VPS13D: variants seen among roughly 807,000 people sequenced by gnomAD.
VPS13D encodes vacuolar protein sorting 13 homolog D.
A neutral mutation model predicts 461.9 loss-of-function variants in VPS13D; 187 were observed. The observed-to-expected ratio is 0.40, with a 90% CI of 0.36 to 0.46. The LOEUF (loss-of-function observed/expected upper bound fraction) is 0.46. Among genes scored for constraint, VPS13D ranks in the 20% least tolerant of loss-of-function variants. The probability of loss-of-function intolerance (pLI) is 0.60; values close to 1 mark genes in which losing one functional copy is unlikely to be tolerated. For synonymous variants in VPS13D, 1,951 were observed against 1,986.3 expected (o/e 0.98, Z 0.47); for missense variants, 4,711 against 5,364.9 (o/e 0.88, Z 3.81).
At chr1:12,242,411 C>G in intron 2 of VPS13D, 102 bp from the exon 3 acceptor site, 2 of 1,010,790 alleles carry the variant, frequency 2.0e-6, no homozygotes, top group East Asian at 2.5e-5. Context: ...GTAGCCTATT[C>G]TATATGTAAA....
At chr1:12,411,119 G>A (rs1187256636) in intron 63 of VPS13D, among the ~76,000 whole-genome samples, 1 of 152,126 alleles carries the variant, frequency 6.6e-6, no homozygotes, top group Non-Finnish European at 1.5e-5. Flanking sequence ...AGTCAAGGAT[G>A]ATCTTTTTGA....
At chr1:12,494,623 C>A (rs2100533262) in intron 67 of VPS13D, among the ~76,000 whole-genome samples, 1 of 152,298 alleles carries the variant, frequency 6.6e-6, no homozygotes, top group South Asian at 2.1e-4. Flanking sequence ...TTTTCTCCTG[C>A]CTGGTAGCAT....
chr1:12,263,757 A>G (rs965679110), intron 13 of VPS13D, among the ~76,000 whole-genome samples: 1 of 152,234 alleles, frequency 6.6e-6, no homozygotes, highest in African/African-American at 2.4e-5. Context: ...GCTGTCATAA[A>G]CTTAGTATTA....
At position 12,361,427 on chromosome 1, in the gene VPS13D, G is replaced by A. The variant is rs1414439478; in HGVS notation, c.10142-1293G>A. On this transcript the variant is annotated intron_variant, in intron 50 of 69. Coordinates refer to ENST00000620676, the MANE Select transcript of VPS13D (RefSeq NM_015378.4). ...TATTTTTTTTTTGAGACGGAGTCTC[G>A]CTCTGTCGCCCAGGCTGGAGTGCAG... Among the ~76,000 whole-genome samples the A allele has an allele frequency of 7.2e-5, 10 of 139,742 alleles. 1 individual carries two copies. In the South Asian group the frequency reaches 2.2e-3, roughly 31 times the overall value. 91.7% of individuals were successfully genotyped at this position (139,742 alleles called of 152,430 possible). A position where few individuals can be genotyped will look rare whatever the true frequency, so the allele number is the denominator to read the frequency against.
intron 18 of VPS13D, among the ~76,000 whole-genome samples, chr1:12,273,974 C>T (rs1332212283): frequency 1.3e-5 from 2 of 152,008 alleles, no homozygotes; most frequent in African/African-American, 4.8e-5. Flanking sequence ...TCTTTATTTA[C>T]CTAGAAGTGG....
Position 12,268,691 on chromosome 1 carries a change from T to G in VPS13D, c.1802-15T>G, listed in dbSNP as rs1355836440. ...TTGCCTTGTTCCGTGTTCTTATTCCTGTTCTTTCCTTTAGCTGCAGATCCA... is the reference window on the plus strand; with the variant it reads ...TTGCCTTGTTCCGTGTTCTTATTCCGGTTCTTTCCTTTAGCTGCAGATCCA... On this transcript the variant is annotated splice_polypyrimidine_tract_variant and intron_variant, in intron 15 of 69. Coordinates refer to ENST00000620676, the MANE Select transcript of VPS13D (RefSeq NM_015378.4). 1.9e-6 allele frequency: 3 copies of G among 1,610,556 alleles called. No homozygotes were observed. The highest frequency in any genetic ancestry group is 2.5e-6 in the Non-Finnish European group (3 of 1,178,972).
chr1:12,275,803 A>G (rs1569772388), intron 18 of VPS13D, 22 bp from the exon 19 acceptor site: 1 of 1,542,178 alleles, frequency 6.5e-7, no homozygotes. Flanking sequence ...ATATATTTGA[A>G]TCTTCTTTTT....
At chr1:12,471,617 A>C (rs550846583) in intron 67 of VPS13D, among the ~76,000 whole-genome samples, 1 of 152,280 alleles carries the variant, frequency 6.6e-6, no homozygotes, top group African/African-American at 2.4e-5. Context: ...TTATACATAC[A>C]TGTTTCCTTT....
intron 65 of VPS13D, among the ~76,000 whole-genome samples, chr1:12,435,657 C>T (rs1393560261): frequency 2.6e-5 from 4 of 151,356 alleles, no homozygotes; most frequent in African/African-American, 7.3e-5. Flanking sequence ...GGCTAAGAAC[C>T]GAGATTCTCT....
chr1:12,319,586 C>T lies in VPS13D; in HGVS notation c.7504C>T (p.Arg2502Trp), dbSNP rs553138925. Reference protein sequence around the residue: ...KGTTVLTYKPRFVDRPFSGSL... With the variant: ...KGTTVLTYKPWFVDRPFSGSL... The stretch of plus-strand genomic sequence containing the variant: ...CACCACAGTGCTCACCTATAAGCCC[C>T]GGTTTGTTGATCGCCCCTTTTCAGG... Residue 2502 changes from arginine to tryptophan, a missense_variant, in exon 32 of 70, where the codon CGG becomes TGG. Arg to Trp is a moderately radical substitution (Grantham distance 101). Transcript: ENST00000620676. 15 of 1,614,136 alleles carry T rather than the reference C, an allele frequency of 9.3e-6. No homozygotes were observed. Among genetic ancestry groups the T allele is most frequent in the East Asian group, 2.2e-5 (1 of 44,884 alleles).
chr1:12,489,830 A>G (rs1645851859), intron 67 of VPS13D, among the ~76,000 whole-genome samples: 1 of 152,116 alleles, frequency 6.6e-6, no homozygotes, highest in African/African-American at 2.4e-5. Context: ...CATTACCCCC[A>G]CTTTATAGAT....
intron 68 of VPS13D, among the ~76,000 whole-genome samples, chr1:12,504,408 A>G (rs1646076979): frequency 6.6e-6 from 1 of 152,198 alleles, no homozygotes; most frequent in Non-Finnish European, 1.5e-5. Context: ...GAAATATGTT[A>G]TTATCAGTAG....
At chr1:12,462,881 G>C (rs1263933927) in intron 67 of VPS13D, among the ~76,000 whole-genome samples, 2 of 152,126 alleles carry the variant, frequency 1.3e-5, no homozygotes, top group Non-Finnish European at 2.9e-5. Flanking sequence ...TGAAGGCACT[G>C]GGGAGCCGTT....
chr1:12,319,707 T>C, intron 32 of VPS13D, 77 bp downstream of exon 32: 1 of 1,595,868 alleles, frequency 6.3e-7, no homozygotes, highest in Non-Finnish European at 8.6e-7. Flanking sequence ...TTTTCCCTCT[T>C]AAACTTTCAT....
chr1:12,313,193 T>C (rs759608045), intron 29 of VPS13D, among the ~76,000 whole-genome samples: 181 of 152,238 alleles, frequency 1.2e-3, no homozygotes, highest in Admixed American at 1.2e-3. Flanking sequence ...AGTCTTTCTG[T>C]TGAAAGTCCG....
intron 5 of VPS13D, among the ~76,000 whole-genome samples, chr1:12,248,662 T>A (rs915387340): frequency 6.6e-6 from 1 of 152,246 alleles, no homozygotes; most frequent in East Asian, 1.9e-4. Flanking sequence ...ATTTTTTAAT[T>A]CATTGAAGCA....
intron 50 of VPS13D, among the ~76,000 whole-genome samples, chr1:12,362,342 C>A (rs1165938166): frequency 6.6e-6 from 1 of 152,032 alleles, no homozygotes; most frequent in Non-Finnish European, 1.5e-5. Flanking sequence ...ATTTTGTGTC[C>A]CAGGTGTAAG....
chr1:12,402,356 T>C (rs1644592637), intron 62 of VPS13D, among the ~76,000 whole-genome samples: 1 of 152,234 alleles, frequency 6.6e-6, no homozygotes, highest in Non-Finnish European at 1.5e-5. Context: ...TAGATGGGCT[T>C]TTCATGGCTG....
intron 67 of VPS13D, among the ~76,000 whole-genome samples, chr1:12,489,891 C>T (rs965664597): frequency 1.9e-4 from 29 of 152,130 alleles, no homozygotes; most frequent in African/African-American, 4.8e-4. Context: ...GGTTACAGTT[C>T]GTAAGTGGTG....
Sources: gnomAD v4.1 joint callset for allele counts (sites outside exome capture counted in the v4.1 genomes callset) on GRCh38, gnomAD v4.1.1 for gene constraint, MANE v1.5 for transcripts, NCBI Gene and HGNC (gene_info 2026-07-23, HGNC 2026-07-21) for gene names.